Variants in C10orf90 observed in about 807,000 individuals in gnomAD.
C10orf90 encodes the protein chromosome 10 open reading frame 90.
C10orf90 carries 56 observed loss-of-function variants against 62.5 expected under a neutral mutation model. That is an observed-to-expected ratio of 0.90 (90% CI 0.72 to 1.12). The LOEUF (loss-of-function observed/expected upper bound fraction) is 1.12. C10orf90 is among the 50% of genes most tolerant of loss of function. The pLI, the probability that C10orf90 is intolerant of heterozygous loss-of-function variation, is 0.00. For missense variants in C10orf90, 970 were observed against 880.4 expected (o/e 1.10, Z -1.29); for synonymous variants, 386 against 340.4 (o/e 1.13, Z -1.47).
At chr10:126,642,703 G>T (rs968928096) in intron 2 of C10orf90, among the ~76,000 whole-genome samples, 6 of 151,866 alleles carry the variant, frequency 4.0e-5, no homozygotes, top group African/African-American at 1.5e-4. Flanking sequence ...TACCACCCTC[G>T]TGTACACCAT....
chr10:126,626,084 G>C (rs749117057), intron 2 of C10orf90, among the ~76,000 whole-genome samples: 50 of 149,480 alleles, frequency 3.3e-4, no homozygotes, highest in Non-Finnish European at 5.8e-4. Context: ...AGCTGAGATC[G>C]TGCCACTGCA....
At chr10:126,578,088 A>G (rs953849279) in intron 2 of C10orf90, among the ~76,000 whole-genome samples, 1 of 152,210 alleles carries the variant, frequency 6.6e-6, no homozygotes, top group Non-Finnish European at 1.5e-5. Context: ...AGGCCAAAAT[A>G]TCATAAACAG....
At chr10:126,590,449 T>G (rs1206161128) in intron 2 of C10orf90, among the ~76,000 whole-genome samples, 1 of 152,158 alleles carries the variant, frequency 6.6e-6, no homozygotes, top group Non-Finnish European at 1.5e-5. Context: ...AGTAAAACAC[T>G]TTTTAGCAAA....
chr10:126,589,599 G>A (rs1411769046), intron 2 of C10orf90, among the ~76,000 whole-genome samples: 1 of 152,080 alleles, frequency 6.6e-6, no homozygotes, highest in African/African-American at 2.4e-5. Flanking sequence ...TCATATCCAG[G>A]CAAACTAAGA....
At chr10:126,652,139 T>A (rs1322399678) in intron 1 of C10orf90, among the ~76,000 whole-genome samples, 1 of 152,222 alleles carries the variant, frequency 6.6e-6, no homozygotes, top group Non-Finnish European at 1.5e-5. Context: ...CAACAGTGTA[T>A]TTTCTGGTTA....
At chr10:126,558,050 T>C (rs1303791575) in intron 2 of C10orf90, among the ~76,000 whole-genome samples, 1 of 152,068 alleles carries the variant, frequency 6.6e-6, no homozygotes, top group Admixed American at 6.6e-5. Context: ...TCCTCTTCAC[T>C]CTCCAGGCCT....
Position 126,585,140 on chromosome 10 carries a change from A to G in C10orf90, c.313+61425T>C, listed in dbSNP as rs184757623. The stretch of plus-strand genomic sequence containing the variant: ...AACTGCGCATAGCAAAGATAATAAA[A>G]GTAAGAATAAAGGTAAGGTCTGAAT... On this transcript the variant is annotated intron_variant, in intron 2 of 9. Transcript: ENST00000488181. Among the ~76,000 whole-genome samples, 3 of 152,060 alleles carry G rather than the reference A, an allele frequency of 2.0e-5. No homozygotes were observed. The East Asian group carries it at 5.8e-4, about 29-fold the overall frequency.
At chr10:126,552,570 C>G (rs115776932) in intron 2 of C10orf90, among the ~76,000 whole-genome samples, 4 of 152,188 alleles carry the variant, frequency 2.6e-5, no homozygotes, top group Non-Finnish European at 4.4e-5. Flanking sequence ...TGCCAGGAGA[C>G]GCTGTCTTAT....
chr10:126,475,490 C>T (rs546930231), intron 4 of C10orf90, among the ~76,000 whole-genome samples: 1 of 152,348 alleles, frequency 6.6e-6, no homozygotes, highest in South Asian at 2.1e-4. Context: ...GCCTCCTGCT[C>T]AGGACGCCGC....
chr10:126,446,368 ATC>A (rs1858781551), intron 7 of C10orf90, among the ~76,000 whole-genome samples: 1 of 152,130 alleles, frequency 6.6e-6, no homozygotes, highest in African/African-American at 2.4e-5. Context: ...CAAAGAGAGA[ATC>A]TTAAAAGCAG....
At chr10:126,628,315 C>G (rs1236829625) in intron 2 of C10orf90, among the ~76,000 whole-genome samples, 1 of 152,008 alleles carries the variant, frequency 6.6e-6, no homozygotes, top group African/African-American at 2.4e-5. Context: ...ATTGTCAAAG[C>G]CTTTCTCAAA....
At chr10:126,485,222 A>G (rs1191104453) in intron 4 of C10orf90, among the ~76,000 whole-genome samples, 2 of 152,208 alleles carry the variant, frequency 1.3e-5, no homozygotes, top group African/African-American at 4.8e-5. Context: ...TCAACAGTCC[A>G]CAATAGGAAG....
At position 126,456,574 on chromosome 10, in the gene C10orf90, C is replaced by T. The variant is rs1030928896; in HGVS notation, c.2188+2466G>A. Among the ~76,000 whole-genome samples the T allele has an allele frequency of 3.9e-5, 6 of 152,132 alleles. No homozygotes were observed. The highest frequency in any genetic ancestry group is 2.1e-4 in the South Asian group (1 of 4,828). On this transcript the variant is annotated intron_variant, in intron 7 of 9. Transcript: ENST00000488181. The surrounding 1 kb of genome is among the most constrained non-coding windows in gnomAD (Gnocchi z 4.9). The stretch of plus-strand genomic sequence containing the variant: ...AATGATATAATGAGTGTAATGATGT[C>T]GCCCCAACAAAAAGATATGTTTAAG...
chr10:126,463,564 C>G (rs1860122731), intron 5 of C10orf90, among the ~76,000 whole-genome samples: 1 of 152,182 alleles, frequency 6.6e-6, no homozygotes, highest in South Asian at 2.1e-4. Flanking sequence ...GCGCCCTGGC[C>G]CCACCCTCTG....
chr10:126,601,993 C>T (rs888411149), intron 2 of C10orf90, among the ~76,000 whole-genome samples: 6 of 152,244 alleles, frequency 3.9e-5, no homozygotes, highest in Middle Eastern at 3.2e-3. Flanking sequence ...AAGTACCCTA[C>T]GTTAGGAAAA....
At chr10:126,561,049 T>G (rs1047120269) in intron 2 of C10orf90, among the ~76,000 whole-genome samples, 7 of 152,282 alleles carry the variant, frequency 4.6e-5, no homozygotes, top group Non-Finnish European at 1.0e-4. Context: ...ACAGGTAATT[T>G]AAGACACAAG....
intron 2 of C10orf90, among the ~76,000 whole-genome samples, chr10:126,581,794 T>A (rs1391040855): frequency 1.3e-5 from 2 of 152,190 alleles, no homozygotes; most frequent in African/African-American, 4.8e-5. Flanking sequence ...CCAGCAGACT[T>A]TGCTGCCACA....
chr10:126,426,198 G>A (rs368578734), intron 8 of C10orf90, 108 bp from the exon 9 acceptor site: 113 of 879,036 alleles, frequency 1.3e-4, no homozygotes, highest in African/African-American at 6.6e-4. Flanking sequence ...AGAGAAGATC[G>A]CTGCTTATGG....
chr10:126,615,242 G>A (rs970516918), intron 2 of C10orf90, among the ~76,000 whole-genome samples: 24 of 152,330 alleles, frequency 1.6e-4, no homozygotes, highest in African/African-American at 5.1e-4. Flanking sequence ...ACATGACCCA[G>A]TCCAGGGTCA....
Sources: gnomAD v4.1 joint callset for allele counts (sites outside exome capture counted in the v4.1 genomes callset) on GRCh38, gnomAD v4.1.1 for gene constraint, Gnocchi (gnomAD v3.1) non-coding constraint, MANE v1.5 for transcripts, NCBI Gene and HGNC (gene_info 2026-07-23, HGNC 2026-07-21) for gene names.